Variants in ANKS1A observed in about 807,000 individuals in gnomAD.
ANKS1A encodes ankyrin repeat and sterile alpha motif domain containing 1A, also known as ankyrin repeat and SAM domain-containing protein 1A.
A neutral mutation model predicts 120.3 loss-of-function variants in ANKS1A; 55 were observed. The ratio of observed to expected loss-of-function variants is 0.46; its 90% CI spans 0.37 to 0.57. The LOEUF is 0.57. ANKS1A is among the 20% of genes least tolerant of loss of function. The pLI, the probability that ANKS1A is intolerant of heterozygous loss-of-function variation, is 0.00. For missense variants in ANKS1A, 1,123 were observed against 1,480.3 expected, an observed-to-expected ratio of 0.76 and a Z score of 3.96; for synonymous variants, 590 against 604.7, an observed-to-expected ratio of 0.98 and a Z score of 0.36.
intron 10 of ANKS1A, among the ~76,000 whole-genome samples, chr6:34,997,754 A>G (rs1230501491): frequency 6.6e-6 from 1 of 152,208 alleles, no homozygotes; most frequent in Non-Finnish European, 1.5e-5. Context: ...AACCTTTGGA[A>G]GAAAGAAAAG....
intron 2 of ANKS1A, among the ~76,000 whole-genome samples, chr6:34,969,220 T>G: frequency 6.6e-6 from 1 of 152,302 alleles, no homozygotes; most frequent in South Asian, 2.1e-4. Context: ...TGATAACATA[T>G]GTGTCTGGCT....
At chr6:35,014,077 A>G (rs1773893716) in intron 10 of ANKS1A, among the ~76,000 whole-genome samples, 1 of 152,234 alleles carries the variant, frequency 6.6e-6, no homozygotes, top group Admixed American at 6.5e-5. Flanking sequence ...CTTCTTGATC[A>G]GTATATTCTA....
In ANKS1A at chr6:35,079,934, T is replaced by G; in HGVS notation, c.2544+6T>G. 6.4e-7 allele frequency: 1 copy of G among 1,553,340 alleles called. No individual in the cohort carries two copies. The highest frequency in any genetic ancestry group is 8.7e-7 in the Non-Finnish European group (1 of 1,148,092). On this transcript the variant is annotated splice_donor_region_variant and intron_variant, in intron 16 of 23. Transcript: ENST00000360359. Reference sequence around the variant, plus strand: ...CCAGATTCTCCCAGCTGAGGGTGAGTCGGGGAGGGACAGAAAGGAATGTAT... The same window carrying G: ...CCAGATTCTCCCAGCTGAGGGTGAGGCGGGGAGGGACAGAAAGGAATGTAT...
intron 1 of ANKS1A, among the ~76,000 whole-genome samples, chr6:34,959,662 C>G (rs933742354): frequency 7.2e-5 from 11 of 152,208 alleles, no homozygotes; most frequent in Non-Finnish European, 1.2e-4. Context: ...AGTTGGGCCA[C>G]TTTCTGTGCT....
chr6:34,914,212 T>C (rs116040110), intron 1 of ANKS1A, among the ~76,000 whole-genome samples: 11,907 of 131,540 alleles, frequency 0.091, 715 homozygotes, highest in East Asian at 0.37. Flanking sequence ...TGAGCCACCT[T>C]ACCCAGCCAA....
chr6:34,981,636 A>G, intron 3 of ANKS1A, 54 bp from the exon 4 acceptor site: 2 of 1,574,420 alleles, frequency 1.3e-6, no homozygotes, highest in Non-Finnish European at 1.7e-6. Context: ...TGTCCCAGTC[A>G]GGTGCCTGTC....
At position 34,889,713 on chromosome 6, in the gene ANKS1A, G is replaced by T. The variant is rs1205440892; in HGVS notation, c.197+114G>T. On this transcript the variant is annotated intron_variant, in intron 1 of 23. Transcript: ENST00000360359. This position sits in a 1 kb window ranked among gnomAD's most constrained non-coding sequence, Gnocchi z 5.5. ...GACTCGGGCGGGGTGGGCTTGTGGC[G>T]TGCCCGGGGCGAGGCAGGCGGCCCG... The T allele has an allele frequency of 1.7e-6, 2 of 1,165,780 alleles. No individual in the cohort carries two copies. Among genetic ancestry groups the T allele is most frequent in the African/African-American group, 3.2e-5 (2 of 61,808 alleles). The allele number at this position is 1,165,780 out of a possible 1,614,324, so 72.2% of individuals were successfully genotyped here.
Position 35,089,612 on chromosome 6 carries a change from C to G in ANKS1A, c.*1003C>G. 1 of 986,808 alleles carries G rather than the reference C, an allele frequency of 1.0e-6. No homozygotes were observed. The highest frequency in any genetic ancestry group is 1.2e-6 in the Non-Finnish European group (1 of 830,656). 61.1% of individuals were successfully genotyped at this position (986,808 alleles called of 1,614,324 possible). On this transcript the variant is annotated 3_prime_UTR_variant, in exon 24 of 24. Coordinates refer to ENST00000360359, the MANE Select transcript of ANKS1A (RefSeq NM_015245.3). ...GGTTACACTTGGCTGCTGGGCCCAT[C>G]CCTGGCCCCCGGTGTGGAAAAGGCT...
intron 1 of ANKS1A, among the ~76,000 whole-genome samples, chr6:34,959,872 G>A (rs1227654983): frequency 6.6e-6 from 1 of 152,186 alleles, no homozygotes; most frequent in African/African-American, 2.4e-5. Flanking sequence ...CTTAGTTTCT[G>A]ATCACCTCAG....
At chr6:35,023,568 T>A in intron 11 of ANKS1A, 1 of 454,996 alleles carries the variant, frequency 2.2e-6, no homozygotes. Context: ...TGACTGAATA[T>A]TGGTTGAAAG....
At chr6:34,946,066 C>T (rs2127488441) in intron 1 of ANKS1A, among the ~76,000 whole-genome samples, 1 of 151,382 alleles carries the variant, frequency 6.6e-6, no homozygotes, top group East Asian at 2.0e-4. Context: ...CTGTAACCTC[C>T]ACCTCCCAGG....
chr6:35,082,264 C>T lies in ANKS1A; in HGVS notation c.2710-427C>T, dbSNP rs556106828. On this transcript the variant is annotated intron_variant, in intron 17 of 23. Coordinates refer to ENST00000360359, the MANE Select transcript of ANKS1A (RefSeq NM_015245.3). The surrounding 1 kb of genome is among the most constrained non-coding windows in gnomAD (Gnocchi z 4.1). ...CGGGCGGGTGCTTCACTGGCTTCCC[C>T]GCTGTGAAGATCCCTCCCAGGCCCT... 1.2e-4 allele frequency among the ~76,000 whole-genome samples: 18 copies of T among 152,066 alleles called. No homozygotes were observed. The highest frequency in any genetic ancestry group is 9.8e-4 in the Admixed American group (15 of 15,284).
rs781708847 is a variant in ANKS1A at position 35,088,123 on chromosome 6, C to T, written c.3402-483C>T. On this transcript the variant is annotated intron_variant, in intron 23 of 23. Transcript: ENST00000360359. ...GTGGGGGATCACAGATAGACAGCGC[C>T]GTCCAGCATGCCCCTGACCACCTCC... Among the ~76,000 whole-genome samples, 20 of 152,214 alleles carry T rather than the reference C, an allele frequency of 1.3e-4. 2 individuals carry two copies. The highest frequency in any genetic ancestry group is 3.8e-4 in the East Asian group (2 of 5,198).
chr6:34,908,654 A>AT (rs1369937136), intron 1 of ANKS1A, among the ~76,000 whole-genome samples: 1 of 152,234 alleles, frequency 6.6e-6, no homozygotes, highest in Non-Finnish European at 1.5e-5. Context: ...CTTGTGTTTT[A>AT]TTAAATATAG....
chr6:35,000,578 A>C (rs1055909617), intron 10 of ANKS1A, among the ~76,000 whole-genome samples: 1 of 152,162 alleles, frequency 6.6e-6, no homozygotes, highest in Non-Finnish European at 1.5e-5. Flanking sequence ...CCGGTTGTTT[A>C]AAGAAAAAAA....
chr6:35,033,896 C>T (rs1275567039), intron 11 of ANKS1A, among the ~76,000 whole-genome samples: 1 of 152,178 alleles, frequency 6.6e-6, no homozygotes, highest in African/African-American at 2.4e-5. Context: ...GGCCCTGTTC[C>T]TGGAAGAGAG....
intron 11 of ANKS1A, among the ~76,000 whole-genome samples, chr6:35,049,398 G>A (rs1228548417): frequency 6.6e-6 from 1 of 152,192 alleles, no homozygotes; most frequent in Non-Finnish European, 1.5e-5. Context: ...ACAGCGTGGC[G>A]CAGGGTCCTT....
chr6:35,067,879 A>G (rs957586699), intron 13 of ANKS1A, among the ~76,000 whole-genome samples: 46 of 121,880 alleles, frequency 3.8e-4, no homozygotes, highest in East Asian at 4.8e-4. Context: ...TTTGTACTTC[A>G]TTTTCAATTT....
chr6:35,009,368 A>G (rs1355553558), intron 10 of ANKS1A, among the ~76,000 whole-genome samples: 2 of 152,168 alleles, frequency 1.3e-5, no homozygotes, highest in African/African-American at 2.4e-5. Context: ...CTGAGGTTTG[A>G]GCTTGGTTAA....
Sources: allele counts gnomAD v4.1 joint callset (sites outside exome capture counted in the v4.1 genomes callset), GRCh38; gene constraint gnomAD v4.1.1; non-coding constraint Gnocchi (gnomAD v3.1); transcripts MANE v1.5; gene names NCBI Gene and HGNC (gene_info 2026-07-23, HGNC 2026-07-21).